Variants in DNER observed in about 807,000 individuals in gnomAD.
The protein encoded by DNER is delta and Notch-like epidermal growth factor-related receptor.
DNER carries 33 observed loss-of-function variants against 78.2 expected under a neutral mutation model. That is an observed-to-expected ratio of 0.42 (90% CI 0.32 to 0.56). The LOEUF is 0.56. Ranked by LOEUF, DNER falls within the 20% of genes least tolerant of loss-of-function variation. The probability of loss-of-function intolerance (pLI) is 0.11; values close to 1 mark genes in which losing one functional copy is unlikely to be tolerated. For missense variants in DNER, 918 were observed against 975.3 expected (o/e 0.94, Z 0.78); for synonymous variants, 417 against 384.8 (o/e 1.08, Z -0.98).
intron 9 of DNER, among the ~76,000 whole-genome samples, chr2:229,415,493 G>A (rs745516693): frequency 1.3e-5 from 2 of 152,170 alleles, no homozygotes; most frequent in Non-Finnish European, 2.9e-5. Flanking sequence ...GCAATAGATA[G>A]CTGATACAGA....
At chr2:229,473,792 C>T (rs1185925992) in intron 7 of DNER, among the ~76,000 whole-genome samples, 1 of 152,172 alleles carries the variant, frequency 6.6e-6, no homozygotes, top group African/African-American at 2.4e-5. Flanking sequence ...AGGAGGCAGG[C>T]AAGGGTCAGG....
chr2:229,581,957 G>A (rs1426715647), intron 4 of DNER, among the ~76,000 whole-genome samples: 1 of 152,150 alleles, frequency 6.6e-6, no homozygotes, highest in Non-Finnish European at 1.5e-5. Context: ...TATTGAGAGT[G>A]AATGGGAAGC....
intron 8 of DNER, among the ~76,000 whole-genome samples, chr2:229,444,505 C>T (rs1468648348): frequency 6.6e-6 from 1 of 152,154 alleles, no homozygotes; most frequent in African/African-American, 2.4e-5. Flanking sequence ...TTGCCTCACA[C>T]GTGTTGAAAA....
Position 229,570,526 on chromosome 2 carries a change from C to T in DNER, c.847+15332G>A, listed in dbSNP as rs111412142. 6.4e-3 allele frequency among the ~76,000 whole-genome samples: 975 copies of T among 151,686 alleles called. 12 individuals are homozygous for T. Among genetic ancestry groups the T allele is most frequent in the African/African-American group, 0.023 (940 of 41,312 alleles). ...CCTATAATCCCAGCTACGTGGGAGG[C>T]TGAGGCAGGAGAATCCTTTGAACCT... On this transcript the variant is annotated intron_variant, in intron 4 of 12. Transcript: ENST00000341772.
chr2:229,443,698 G>A (rs1332834646), intron 8 of DNER, among the ~76,000 whole-genome samples: 1 of 152,192 alleles, frequency 6.6e-6, no homozygotes, highest in African/African-American at 2.4e-5. Context: ...TTTATGAAAT[G>A]AGATCCGTTT....
At chr2:229,668,542 A>G (rs1215641247) in intron 1 of DNER, among the ~76,000 whole-genome samples, 14 of 4,244 alleles carry the variant, frequency 3.3e-3, no homozygotes, top group East Asian at 0.056. Context: ...GTGTGTATAT[A>G]TATATATATA....
chr2:229,391,731 C>T (rs113445950), intron 10 of DNER, among the ~76,000 whole-genome samples: 4,625 of 151,948 alleles, frequency 0.03, 97 homozygotes, highest in African/African-American at 0.06. Context: ...TTAGTAGAGA[C>T]GGGGTTTCAC....
rs560620708 is a variant in DNER at position 229,489,491 on chromosome 2, G to T, written c.1148-12238C>A. On this transcript the variant is annotated intron_variant, in intron 6 of 12. Transcript: ENST00000341772. The stretch of plus-strand genomic sequence containing the variant: ...AGAGAGGCCGGCAACATGACTGGGT[G>T]GGTGTGGGGGGCGCGGACAGAGGGA... Among the ~76,000 whole-genome samples the T allele has an allele frequency of 2.7e-4, 41 of 152,066 alleles. 1 individual carries two copies. The South Asian group carries it at 5.2e-3, about 19-fold the overall frequency.
chr2:229,431,585 GA>G (rs796410008), intron 8 of DNER, among the ~76,000 whole-genome samples: 62 of 119,486 alleles, frequency 5.2e-4, no homozygotes, highest in African/African-American at 8.4e-4. Context: ...AGTGAAAAAG[GA>G]AAAAAAAAAA....
intron 1 of DNER, among the ~76,000 whole-genome samples, chr2:229,620,628 C>T (rs1233442485): frequency 1.3e-5 from 2 of 152,234 alleles, no homozygotes; most frequent in East Asian, 3.8e-4. Flanking sequence ...CCTGCAAATC[C>T]TCAGAGAAAC....
At chr2:229,533,029 C>G (rs956762241) in intron 5 of DNER, among the ~76,000 whole-genome samples, 11 of 152,068 alleles carry the variant, frequency 7.2e-5, no homozygotes, top group African/African-American at 2.7e-4. Flanking sequence ...TAGATTGACC[C>G]AGAGCTGTTA....
At chr2:229,625,325 C>T (rs1245829223) in intron 1 of DNER, among the ~76,000 whole-genome samples, 1 of 152,046 alleles carries the variant, frequency 6.6e-6, no homozygotes, top group Admixed American at 6.6e-5. Flanking sequence ...CCATCTAATC[C>T]CACACTTTCC....
In DNER at chr2:229,658,979, C is replaced by T. The variant is rs115047818; in HGVS notation, c.276+55169G>A. Among the ~76,000 whole-genome samples, 636 of 152,078 alleles carry T rather than the reference C, an allele frequency of 4.2e-3. 5 individuals carry two copies. The highest frequency in any genetic ancestry group is 0.015 in the African/African-American group (614 of 41,498). ...AGAAATGTGATACTATTTTTTTTAA[C>T]GTATCACGTCTCTACATCTGCATTT... On this transcript the variant is annotated intron_variant, in intron 1 of 12. Transcript: ENST00000341772.
chr2:229,711,420 G>A (rs534583204), intron 1 of DNER, among the ~76,000 whole-genome samples: 177 of 152,162 alleles, frequency 1.2e-3, no homozygotes, highest in African/African-American at 4.1e-3. Context: ...AAACCCACAC[G>A]ACCTACAATT....
intron 12 of DNER, among the ~76,000 whole-genome samples, chr2:229,364,063 C>T (rs1372727542): frequency 7.3e-6 from 1 of 137,138 alleles, no homozygotes; most frequent in Non-Finnish European, 1.5e-5. Context: ...TGGAGTTTCA[C>T]CTTGTTAGCC....
At chr2:229,387,501 A>AGAG (rs1559337815) in intron 11 of DNER, among the ~76,000 whole-genome samples, 19 of 97,300 alleles carry the variant, frequency 2.0e-4, no homozygotes, top group African/African-American at 6.7e-4. Flanking sequence ...GAAAGAAAGA[A>AGAG]AGAAAGAGAG....
At chr2:229,378,882 G>A (rs1199327864) in intron 11 of DNER, among the ~76,000 whole-genome samples, 4 of 152,104 alleles carry the variant, frequency 2.6e-5, no homozygotes, top group Non-Finnish European at 2.9e-5. Context: ...ATCTAGACAC[G>A]AGCCACTGGT....
intron 8 of DNER, among the ~76,000 whole-genome samples, chr2:229,430,303 TTAAC>T (rs1015084381): frequency 2.6e-5 from 4 of 152,290 alleles, no homozygotes; most frequent in African/African-American, 7.2e-5. Flanking sequence ...TTAATACTGA[TTAAC>T]TGATGGTTAA....
intron 5 of DNER, among the ~76,000 whole-genome samples, chr2:229,540,483 T>C (rs1355984935): frequency 6.6e-6 from 1 of 151,806 alleles, no homozygotes; most frequent in Non-Finnish European, 1.5e-5. Context: ...CAGGAGAAAA[T>C]AGATATGAGG....
Sources: gnomAD v4.1 joint callset for allele counts (sites outside exome capture counted in the v4.1 genomes callset) on GRCh38, gnomAD v4.1.1 for gene constraint, MANE v1.5 for transcripts, NCBI Gene and HGNC (gene_info 2026-07-23, HGNC 2026-07-21) for gene names.